Variants in NDST4 observed in about 807,000 individuals in gnomAD.
The protein encoded by NDST4 is N-deacetylase and N-sulfotransferase 4, also known as N-heparan sulfate sulfotransferase 4.
A neutral mutation model predicts 100.8 loss-of-function variants in NDST4; 63 were observed. The ratio of observed to expected loss-of-function variants is 0.62; its 90% CI spans 0.51 to 0.77. The LOEUF (loss-of-function observed/expected upper bound fraction) is 0.77, where lower values mean the gene tolerates loss of function less well. NDST4 is among the 30% of genes least tolerant of loss of function. NDST4 has a pLI of 0.00. For synonymous variants in NDST4, 377 were observed against 361.8 expected, an observed-to-expected ratio of 1.04 and a Z score of -0.48; for missense variants, 943 against 1,018.4, an observed-to-expected ratio of 0.93 and a Z score of 1.01.
rs541981048 is a variant in NDST4, at chr4:114,933,677, C to T, written c.1536+1529G>A. 2.6e-4 allele frequency among the ~76,000 whole-genome samples: 40 copies of T among 151,936 alleles called. 2 individuals are homozygous for T. The highest frequency in any genetic ancestry group is 7.5e-4 in the African/African-American group (31 of 41,458). The stretch of plus-strand genomic sequence containing the variant: ...TAATAGTAAGAAAAGGAATGACCTC[C>T]CTTAAAAATGGGCAGAAGATTTGAA... On this transcript the variant is annotated intron_variant, in intron 6 of 13. Coordinates refer to ENST00000264363, the MANE Select transcript of NDST4 (RefSeq NM_022569.3).
chr4:114,887,494 G>T (rs1451212578), intron 6 of NDST4, among the ~76,000 whole-genome samples: 1 of 152,104 alleles, frequency 6.6e-6, no homozygotes, highest in Non-Finnish European at 1.5e-5. Context: ...CTGAGTTTTT[G>T]ATTAACAAGG....
intron 4 of NDST4, among the ~76,000 whole-genome samples, chr4:114,961,468 G>A (rs1484851077): frequency 6.6e-6 from 1 of 151,894 alleles, no homozygotes; most frequent in Admixed American, 6.6e-5. Flanking sequence ...CCAAGTGGGG[G>A]AAAAGGCACA....
At chr4:115,093,242 A>G (rs940552450) in intron 1 of NDST4, among the ~76,000 whole-genome samples, 78 of 152,212 alleles carry the variant, frequency 5.1e-4, no homozygotes, top group Non-Finnish European at 5.4e-4. Flanking sequence ...TTGGGAGGCC[A>G]AGGTGGGCAG....
At chr4:114,881,416 T>C (rs1259619167) in intron 6 of NDST4, among the ~76,000 whole-genome samples, 4 of 152,080 alleles carry the variant, frequency 2.6e-5, no homozygotes, top group African/African-American at 2.4e-5. Context: ...ACTGGATAGA[T>C]ACTGGAGCAA....
At chr4:114,956,875 G>A (rs1260996212) in intron 4 of NDST4, among the ~76,000 whole-genome samples, 1 of 152,066 alleles carries the variant, frequency 6.6e-6, no homozygotes, top group African/African-American at 2.4e-5. Context: ...TATCTAAAAT[G>A]TCCATTAAAA....
At chr4:114,902,431 TGAAGA>T (rs112947828) in intron 6 of NDST4, among the ~76,000 whole-genome samples, 8,968 of 152,110 alleles carry the variant, frequency 0.059, 719 homozygotes, top group African/African-American at 0.18. Flanking sequence ...GCATGTTTTC[TGAAGA>T]GAAATCAAAT....
chr4:114,957,899 G>T (rs745995464), intron 4 of NDST4, among the ~76,000 whole-genome samples: 33 of 152,300 alleles, frequency 2.2e-4, no homozygotes, highest in Admixed American at 4.6e-4. Flanking sequence ...CAAAAAGTGG[G>T]TTCCCATGGT....
At chr4:114,921,846 C>T (rs551744512) in intron 6 of NDST4, among the ~76,000 whole-genome samples, 76 of 152,182 alleles carry the variant, frequency 5.0e-4, no homozygotes, top group Non-Finnish European at 1.0e-3. Flanking sequence ...TTCATTTCCC[C>T]TTTTCCCTGC....
chr4:114,860,783 G>A (rs1229042416), intron 7 of NDST4, among the ~76,000 whole-genome samples: 1 of 152,208 alleles, frequency 6.6e-6, no homozygotes, highest in Non-Finnish European at 1.5e-5. Context: ...AGCTCATTGT[G>A]TTTCAAAGTA....
At chr4:114,986,788 TTATACATATATATATATATATATATATA>T (rs1726912191) in intron 2 of NDST4, among the ~76,000 whole-genome samples, 2 of 65,982 alleles carry the variant, frequency 3.0e-5, no homozygotes, top group African/African-American at 1.5e-4. Flanking sequence ...TGGTATCCAA[TTATACATATATATATATATATATATATA>T]TATATATATA....
At chr4:115,050,523 A>T (rs530816738) in intron 2 of NDST4, among the ~76,000 whole-genome samples, 1 of 152,244 alleles carries the variant, frequency 6.6e-6, no homozygotes, top group South Asian at 2.1e-4. Flanking sequence ...CATGGTATTT[A>T]TGGGGAATTA....
chr4:115,027,021 T>C (rs568048138), intron 2 of NDST4, among the ~76,000 whole-genome samples: 22 of 152,124 alleles, frequency 1.4e-4, no homozygotes, highest in Non-Finnish European at 1.5e-5. Flanking sequence ...CTTGGGATGA[T>C]AGAAAAAAGA....
intron 4 of NDST4, among the ~76,000 whole-genome samples, chr4:114,955,055 T>G (rs992639215): frequency 2.1e-4 from 32 of 152,156 alleles, no homozygotes; most frequent in African/African-American, 7.7e-4. Flanking sequence ...ACCTCTTTTC[T>G]TTATAAATTC....
In NDST4 at chr4:114,977,188, T is replaced by A; in HGVS notation, c.1065A>T (p.Thr355=). The A allele has an allele frequency of 2.5e-6, 4 of 1,595,400 alleles. No homozygotes were observed. Among genetic ancestry groups the A allele is most frequent in the Non-Finnish European group, 3.4e-6 (4 of 1,165,880 alleles). Residue 355 remains threonine, a splice_region_variant and synonymous_variant, in exon 3 of 14, where the codon ACA becomes ACT. Transcript: ENST00000264363. ...NLGFSGKFYH[T]GTEEEDEGDD... ...TGAGAACACAAAGCTCCTTCTTACC[T>A]GTGTGGTAAAACTTCCCTGAAAATC...
intron 5 of NDST4, among the ~76,000 whole-genome samples, chr4:114,936,892 T>C (rs1725640103): frequency 6.6e-6 from 1 of 152,218 alleles, no homozygotes; most frequent in African/African-American, 2.4e-5. Context: ...ATGCTATTTG[T>C]AACATTCTGT....
intron 4 of NDST4, among the ~76,000 whole-genome samples, chr4:114,955,004 C>T (rs2126233643): frequency 6.6e-6 from 1 of 152,290 alleles, no homozygotes; most frequent in African/African-American, 2.4e-5. Context: ...GCAGAAGCTG[C>T]TATGCTTCTT....
At chr4:115,043,889 C>T (rs1426936861) in intron 2 of NDST4, among the ~76,000 whole-genome samples, 1 of 151,954 alleles carries the variant, frequency 6.6e-6, no homozygotes, top group Non-Finnish European at 1.5e-5. Context: ...CTGGAGAGGT[C>T]AAAAAGATGT....
chr4:114,836,332 G>T (rs187752032), intron 11 of NDST4, among the ~76,000 whole-genome samples: 13 of 152,260 alleles, frequency 8.5e-5, no homozygotes, highest in African/African-American at 3.1e-4. Context: ...CTCAGCATTT[G>T]CTTCTCTGTA....
rs1319050044 is a variant in NDST4, at chr4:115,104,005, T to C, written c.-247+9439A>G. 5.3e-5 allele frequency among the ~76,000 whole-genome samples: 8 copies of C among 152,158 alleles called. No homozygotes were observed. The East Asian group carries it at 1.2e-3, about 22-fold the overall frequency. ...GTTACTTATGGATCCTTTAAAAGAATACTAGACATCGTACCAAAATAATTC... is the reference window on the plus strand; with the variant it reads ...GTTACTTATGGATCCTTTAAAAGAACACTAGACATCGTACCAAAATAATTC... On this transcript the variant is annotated intron_variant, in intron 1 of 13. Coordinates refer to ENST00000264363, the MANE Select transcript of NDST4 (RefSeq NM_022569.3).
Sources: gnomAD v4.1 joint callset for allele counts (sites outside exome capture counted in the v4.1 genomes callset) on GRCh38, gnomAD v4.1.1 for gene constraint, MANE v1.5 for transcripts, NCBI Gene and HGNC (gene_info 2026-07-23, HGNC 2026-07-21) for gene names.